The following ABCC9 variants were observed in gnomAD, a reference collection of about 807,000 sequenced individuals.
ABCC9 encodes the protein ATP binding cassette subfamily C member 9.
In ABCC9, 95 loss-of-function variants were observed where a neutral mutation model predicts 188.3. That is an observed-to-expected ratio of 0.50 (90% CI 0.43 to 0.60). ABCC9 has a LOEUF of 0.60. Among genes scored for constraint, ABCC9 ranks in the 20% least tolerant of loss-of-function variants. The pLI is 0.00. For missense variants in ABCC9, 1,102 were observed against 1,876.3 expected, an observed-to-expected ratio of 0.59 and a Z score of 7.62; for synonymous variants, 659 against 652.7, an observed-to-expected ratio of 1.01 and a Z score of -0.15.
At chr12:21,836,913 TATGTGGGGAGG>T (rs1401958577) in intron 30 of ABCC9, among the ~76,000 whole-genome samples, 2 of 152,180 alleles carry the variant, frequency 1.3e-5, no homozygotes, top group African/African-American at 4.8e-5. Context: ...ATGGCAGGTG[TATGTGGGGAGG>T]ATGTGGGGAG....
intron 24 of ABCC9, among the ~76,000 whole-genome samples, chr12:21,848,848 G>A (rs1944819564): frequency 6.8e-6 from 1 of 146,872 alleles, no homozygotes; most frequent in African/African-American, 2.4e-5. Context: ...GCCCTAGGAG[G>A]AGAAAATATG....
chr12:21,915,274 A>G (rs1331650492), intron 7 of ABCC9, among the ~76,000 whole-genome samples: 1 of 13,466 alleles, frequency 7.4e-5, no homozygotes, highest in Non-Finnish European at 2.9e-4. Context: ...TATAATGTGT[A>G]TATATATGTG....
rs1945396719 is a variant in ABCC9, at chr12:21,859,509, G to C, written c.2505+77C>G. On this transcript the variant is annotated intron_variant, in intron 22 of 39. Coordinates refer to ENST00000261200, the MANE Select transcript of ABCC9 (RefSeq NM_020297.4). The stretch of plus-strand genomic sequence containing the variant: ...TAAACCATCTTTCCTTGAGTTACTT[G>C]ACTTACACCTTTTTAAAGACTCATT... The C allele has an allele frequency of 2.9e-6, 4 of 1,394,440 alleles. No individual in the cohort carries two copies. In the South Asian group the frequency reaches 4.6e-5, roughly 16 times the overall value. 86.4% of individuals were successfully genotyped at this position (1,394,440 alleles called of 1,614,324 possible).
intron 18 of ABCC9, among the ~76,000 whole-genome samples, chr12:21,866,848 TG>T (rs1209826006): frequency 6.6e-6 from 1 of 152,060 alleles, no homozygotes; most frequent in Non-Finnish European, 1.5e-5. Context: ...AGGTTAAGTG[TG>T]GGTGGACTAG....
At position 21,814,042 on chromosome 12, in the gene ABCC9, T is replaced by A. The variant is rs7307209; in HGVS notation, c.4102+602A>T. On this transcript the variant is annotated intron_variant, in intron 35 of 39. Coordinates refer to ENST00000261200, the MANE Select transcript of ABCC9 (RefSeq NM_020297.4). ...TTGATAGACTAAATGTGACTTTTTTTAAAAAAAGATTAAGTTATTTCTACG... is the reference window on the plus strand; with the variant it reads ...TTGATAGACTAAATGTGACTTTTTTAAAAAAAAGATTAAGTTATTTCTACG... 6.0e-3 allele frequency among the ~76,000 whole-genome samples: 909 copies of A among 152,228 alleles called. 7 individuals are homozygous for A. Among genetic ancestry groups the A allele is most frequent in the African/African-American group, 0.021 (855 of 41,558 alleles).
intron 16 of ABCC9, among the ~76,000 whole-genome samples, chr12:21,877,380 T>A (rs1946414235): frequency 1.3e-5 from 2 of 152,130 alleles, no homozygotes; most frequent in Admixed American, 1.3e-4. Flanking sequence ...ATGAAAGCAT[T>A]TGTAGGTAAA....
At chr12:21,914,541 T>C (rs1948453943) in intron 7 of ABCC9, among the ~76,000 whole-genome samples, 1 of 152,186 alleles carries the variant, frequency 6.6e-6, no homozygotes, top group South Asian at 2.1e-4. Flanking sequence ...TGTAAGGTTT[T>C]TAATTTCTCC....
intron 17 of ABCC9, among the ~76,000 whole-genome samples, chr12:21,873,580 T>G (rs1946186242): frequency 6.6e-6 from 1 of 152,126 alleles, no homozygotes; most frequent in African/African-American, 2.4e-5. Flanking sequence ...AAAATTCATA[T>G]GGAAAGAGTA....
At chr12:21,868,399 G>A (rs1945888929) in intron 18 of ABCC9, among the ~76,000 whole-genome samples, 1 of 152,170 alleles carries the variant, frequency 6.6e-6, no homozygotes. Context: ...CAACACTTTG[G>A]GAGGCCGAGA....
chr12:21,885,631 C>T (rs1439968450), intron 15 of ABCC9, among the ~76,000 whole-genome samples: 1 of 152,166 alleles, frequency 6.6e-6, no homozygotes, highest in Non-Finnish European at 1.5e-5. Flanking sequence ...AGTTTAGACA[C>T]TCTTTAATGC....
In ABCC9 at chr12:21,855,725, T is replaced by A. The variant is rs143786067; in HGVS notation, c.2506-3220A>T. ...TTGCTGCAAAGATGCAACAAAATAA[T>A]GTAGTCAAAGTCTGTAAATCATTTC... On this transcript the variant is annotated intron_variant, in intron 22 of 39. Coordinates refer to ENST00000261200, the MANE Select transcript of ABCC9 (RefSeq NM_020297.4). 2.2e-3 allele frequency among the ~76,000 whole-genome samples: 335 copies of A among 152,318 alleles called. 3 individuals carry two copies. The highest frequency in any genetic ancestry group is 7.7e-3 in the African/African-American group (320 of 41,578).
At chr12:21,841,369 T>G (rs1257522754) in intron 29 of ABCC9, among the ~76,000 whole-genome samples, 104 of 126,804 alleles carry the variant, frequency 8.2e-4, no homozygotes, top group African/African-American at 3.2e-3. Flanking sequence ...TTTTTTTTTT[T>G]TTTTTTTGAG....
At chr12:21,859,551 T>C in intron 22 of ABCC9, 35 bp downstream of exon 22, 2 of 1,594,198 alleles carry the variant, frequency 1.3e-6, no homozygotes. Context: ...GATGGAAGAA[T>C]GAAATAGAAA....
At chr12:21,824,014 G>A (rs1216437426) in intron 31 of ABCC9, among the ~76,000 whole-genome samples, 1 of 152,156 alleles carries the variant, frequency 6.6e-6, no homozygotes, top group Non-Finnish European at 1.5e-5. Flanking sequence ...GAATATGGTG[G>A]GCAAGGCTAG....
chr12:21,932,745 G>C (rs898854721), intron 4 of ABCC9, among the ~76,000 whole-genome samples: 6 of 152,104 alleles, frequency 3.9e-5, no homozygotes, highest in African/African-American at 1.4e-4. Flanking sequence ...ACAGATGCTG[G>C]TGAGGCTGTG....
intron 9 of ABCC9, among the ~76,000 whole-genome samples, chr12:21,910,601 A>G (rs1948277467): frequency 6.6e-6 from 1 of 151,970 alleles, no homozygotes; most frequent in Admixed American, 6.6e-5. Context: ...AAATAAATGT[A>G]AGATTTCAAA....
intron 6 of ABCC9, 38 bp from the exon 7 acceptor site, chr12:21,915,948 C>A: frequency 6.3e-7 from 1 of 1,581,070 alleles, no homozygotes; most frequent in Non-Finnish European, 8.6e-7. Flanking sequence ...ACAATTAGTC[C>A]AATTATTTTC....
intron 30 of ABCC9, among the ~76,000 whole-genome samples, chr12:21,829,357 A>G (rs930970177): frequency 1.1e-4 from 17 of 151,626 alleles, no homozygotes; most frequent in Non-Finnish European, 2.1e-4. Flanking sequence ...ACCCGCCACC[A>G]TGCCCGGCTA....
chr12:21,816,036 GTTTTTTTTTTTTTTTTTTTTTT>G lies in ABCC9; in HGVS notation c.3893-165_3893-144del, dbSNP rs10611051. 98 of 58,274 alleles carry G rather than the reference GTTTTTTTTTTTTTTTTTTTTTT, an allele frequency of 1.7e-3. 2 individuals are homozygous for G. Among genetic ancestry groups the G allele is most frequent in the African/African-American group, 3.4e-3 (56 of 16,664 alleles). The allele number at this position is 58,274 out of a possible 1,614,324, so 3.6% of individuals were successfully genotyped here. On this transcript the variant is annotated intron_variant, in intron 33 of 39. Coordinates refer to ENST00000261200, the MANE Select transcript of ABCC9 (RefSeq NM_020297.4). ...TAATACTGAACCAAACTATGTGGCA[GTTTTTTTTTTTTTTTTTTTTTT>G]TTTTTTTTTTTTTTTTTTTTTTAGT...
Sources: gnomAD v4.1 joint callset for allele counts (sites outside exome capture counted in the v4.1 genomes callset) on GRCh38, gnomAD v4.1.1 for gene constraint, MANE v1.5 for transcripts, NCBI Gene and HGNC (gene_info 2026-07-23, HGNC 2026-07-21) for gene names.